CA5A: variants seen among roughly 807,000 people sequenced by gnomAD.
CA5A encodes the protein carbonic anhydrase 5A.
In CA5A, 28 loss-of-function variants were observed where a neutral mutation model predicts 37.1. The ratio of observed to expected loss-of-function variants is 0.75; its 90% confidence interval spans 0.56 to 1.03. The LOEUF (loss-of-function observed/expected upper bound fraction) is 1.03. Ranked by LOEUF, CA5A falls within the 50% of genes least tolerant of loss-of-function variation. CA5A has a pLI of 0.00. For missense variants in CA5A, 444 were observed against 399.9 expected (o/e 1.11, Z -0.94); for synonymous variants, 171 against 158.4 (o/e 1.08, Z -0.60).
At chr16:87,928,771 T>C (rs1174654994) in intron 1 of CA5A, among the ~76,000 whole-genome samples, 2 of 134,588 alleles carry the variant, frequency 1.5e-5, no homozygotes, top group South Asian at 2.6e-4. Context: ...TTTTTTTTTT[T>C]TTTTTTTTTT....
At chr16:87,892,559 TTAATTAATAATAAA>T in intron 5 of CA5A, among the ~76,000 whole-genome samples, 2 of 116,980 alleles carry the variant, frequency 1.7e-5, no homozygotes, top group Non-Finnish European at 3.8e-5. Flanking sequence ...TAATAATAAA[TTAATTAATAATAAA>T]AATAAAAATA....
intron 1 of CA5A, among the ~76,000 whole-genome samples, chr16:87,929,796 C>T (rs1037307428): frequency 5.4e-5 from 7 of 128,762 alleles, no homozygotes; most frequent in South Asian, 2.6e-4. Flanking sequence ...GGCGTGAGCC[C>T]GGGAGGCGGA....
intron 6 of CA5A, among the ~76,000 whole-genome samples, chr16:87,889,965 G>A (rs981701751): frequency 1.3e-5 from 2 of 152,150 alleles, no homozygotes; most frequent in African/African-American, 2.4e-5. Flanking sequence ...CTAGAGTTGC[G>A]CGCATGGTGC....
At chr16:87,900,288 C>T (rs1186790437) in intron 5 of CA5A, among the ~76,000 whole-genome samples, 2 of 152,174 alleles carry the variant, frequency 1.3e-5, no homozygotes, top group South Asian at 2.1e-4. Flanking sequence ...GAGGATGGGG[C>T]GTCAGAGCTC....
At chr16:87,922,583 C>T (rs2056245818) in intron 2 of CA5A, among the ~76,000 whole-genome samples, 1 of 152,226 alleles carries the variant, frequency 6.6e-6, no homozygotes, top group Non-Finnish European at 1.5e-5. Context: ...TTTGTTCTTG[C>T]CCTGAGGGGT....
chr16:87,923,547 G>A, intron 2 of CA5A: 1 of 985,342 alleles, frequency 1.0e-6, no homozygotes, highest in South Asian at 4.7e-5. Flanking sequence ...AGTAGTATCA[G>A]GATTCCCCTG....
intron 2 of CA5A, among the ~76,000 whole-genome samples, chr16:87,925,799 C>T (rs1014176371): frequency 8.5e-5 from 13 of 152,160 alleles, no homozygotes; most frequent in African/African-American, 3.1e-4. Context: ...CTCAAGTCAC[C>T]TCCCAGCCCA....
At chr16:87,935,575 T>C (rs1245938720) in intron 1 of CA5A, among the ~76,000 whole-genome samples, 1 of 151,940 alleles carries the variant, frequency 6.6e-6, no homozygotes, top group African/African-American at 2.4e-5. Context: ...GGTCACCAAA[T>C]ACAAGAGAAA....
chr16:87,920,896 C>A (rs1327816880), intron 2 of CA5A, among the ~76,000 whole-genome samples: 4 of 152,128 alleles, frequency 2.6e-5, no homozygotes, highest in African/African-American at 9.7e-5. Flanking sequence ...CAGGTTCAAG[C>A]GATTTTCCTG....
intron 5 of CA5A, among the ~76,000 whole-genome samples, chr16:87,899,689 G>A (rs746477287): frequency 1.6e-4 from 24 of 150,458 alleles, no homozygotes; most frequent in Non-Finnish European, 3.6e-4. Context: ...GGAGGCCAAG[G>A]TGGGCAGATC....
At chr16:87,904,970 A>G in intron 2 of CA5A, 66 bp from the exon 3 acceptor site, 1 of 986,090 alleles carries the variant, frequency 1.0e-6, no homozygotes, top group Non-Finnish European at 1.6e-6. Flanking sequence ...GTGTTACCTG[A>G]GGCATTGTCT....
rs1479158159 is a variant in CA5A, at chr16:87,911,901, G to A, written c.341-6997C>T. 5.9e-5 allele frequency among the ~76,000 whole-genome samples: 9 copies of A among 152,152 alleles called. No homozygotes were observed. Among genetic ancestry groups the A allele is most frequent in the Non-Finnish European group, 1.0e-4 (7 of 68,028 alleles). Reference sequence around the variant, plus strand: ...GGGGCCCATGGCAAGGATTGAGTACGGTGATGCTTACAAAGTACCTCCCTC... The same window carrying A: ...GGGGCCCATGGCAAGGATTGAGTACAGTGATGCTTACAAAGTACCTCCCTC... On this transcript the variant is annotated intron_variant, in intron 2 of 6. Coordinates refer to ENST00000649794, the MANE Select transcript of CA5A (RefSeq NM_001739.2). The surrounding 1 kb of genome is among the most constrained non-coding windows in gnomAD (Gnocchi z 4.6).
intron 5 of CA5A, chr16:87,892,274 C>T (rs2055728589): frequency 1.1e-5 from 2 of 187,446 alleles, no homozygotes; most frequent in Admixed American, 1.3e-4. Context: ...CTTTGGGAGG[C>T]CGAGGCGGGT....
intron 3 of CA5A, among the ~76,000 whole-genome samples, chr16:87,903,083 G>A (rs1456586057): frequency 6.6e-6 from 1 of 151,976 alleles, no homozygotes; most frequent in Non-Finnish European, 1.5e-5. Flanking sequence ...AATAGAAATG[G>A]GTGGTTTCAT....
chr16:87,909,303 A>G (rs2056013542), intron 2 of CA5A, among the ~76,000 whole-genome samples: 1 of 152,102 alleles, frequency 6.6e-6, no homozygotes, highest in Non-Finnish European at 1.5e-5. Flanking sequence ...GCACGCCTGT[A>G]CCTGAACAAG....
rs555680524 is a variant in CA5A at position 87,929,996 on chromosome 16, C to A, written c.143-3051G>T. 2.6e-5 allele frequency among the ~76,000 whole-genome samples: 4 copies of A among 151,852 alleles called. No homozygotes were observed. The South Asian group carries it at 8.3e-4, about 32-fold the overall frequency. ...GTTCTAAAATCGCATCTTTTCTACT[C>A]GTCAGTGTTAAAAAGCCCTATGGGA... On this transcript the variant is annotated intron_variant, in intron 1 of 6. Transcript: ENST00000649794.
chr16:87,932,981 C>T (rs1226988435), intron 1 of CA5A, among the ~76,000 whole-genome samples: 1 of 152,218 alleles, frequency 6.6e-6, no homozygotes, highest in Non-Finnish European at 1.5e-5. Flanking sequence ...CTGTGAGTGC[C>T]TGCCCTCCGC....
At chr16:87,912,251 G>A (rs184093437) in intron 2 of CA5A, among the ~76,000 whole-genome samples, 150 of 152,206 alleles carry the variant, frequency 9.9e-4, no homozygotes, top group Non-Finnish European at 1.3e-3. Flanking sequence ...GCAGTGAGCC[G>A]AGGTCGTGTC....
intron 2 of CA5A, 50 bp downstream of exon 2, chr16:87,926,698 G>A: frequency 6.8e-7 from 1 of 1,463,988 alleles, no homozygotes; most frequent in Non-Finnish European, 9.5e-7. Flanking sequence ...TGACCCTGCT[G>A]CCAGAACAAC....
Sources: gnomAD v4.1 joint callset for allele counts (sites outside exome capture counted in the v4.1 genomes callset) on GRCh38, gnomAD v4.1.1 for gene constraint, Gnocchi (gnomAD v3.1) non-coding constraint, MANE v1.5 for transcripts, NCBI Gene and HGNC (gene_info 2026-07-23, HGNC 2026-07-21) for gene names.